NCKAP5: variants seen among roughly 807,000 people sequenced by gnomAD.
The protein encoded by NCKAP5 is nck-associated protein 5.
In NCKAP5, 92 loss-of-function variants were observed where a neutral mutation model predicts 167.0. That is an observed-to-expected ratio of 0.55 (90% CI 0.47 to 0.66). NCKAP5 has a LOEUF of 0.66. NCKAP5 is among the 30% of genes least tolerant of loss of function. NCKAP5 has a pLI of 0.00. For missense variants in NCKAP5, 2,378 were observed against 2,315.0 expected, an observed-to-expected ratio of 1.03 and a Z score of -0.56; for synonymous variants, 891 against 877.4, an observed-to-expected ratio of 1.02 and a Z score of -0.27.
At chr2:132,857,479 G>A (rs1689562622) in intron 11 of NCKAP5, among the ~76,000 whole-genome samples, 1 of 152,176 alleles carries the variant, frequency 6.6e-6, no homozygotes, top group African/African-American at 2.4e-5. Flanking sequence ...CTCTTTACTA[G>A]CTGCCAACAT....
intron 4 of NCKAP5, among the ~76,000 whole-genome samples, chr2:133,276,598 G>C (rs2089740877): frequency 6.6e-6 from 1 of 151,458 alleles, no homozygotes; most frequent in East Asian, 1.9e-4. Context: ...AACATCTCTA[G>C]GCCCAAAACA....
intron 3 of NCKAP5, among the ~76,000 whole-genome samples, chr2:133,417,427 G>A (rs1689188297): frequency 3.3e-5 from 5 of 152,192 alleles, no homozygotes; most frequent in Admixed American, 3.3e-4. Flanking sequence ...TCGACCCCAG[G>A]CCCACTTTCC....
Position 132,994,222 on chromosome 2 carries a change from C to A in NCKAP5, c.359G>T (p.Arg120Leu). Residue 120 changes from arginine to leucine, a missense_variant, in exon 7 of 20, where the codon CGA becomes CTA. Physicochemically the swap from Arg to Leu is moderately radical, Grantham distance 102 (BLOSUM62 -2). Transcript: ENST00000409261. ...QQFSRMEETV[R>L]NLLQSQGSPE... ...AGATCCTTGACTCTGCAATAGATTTCGTACTGTTTCTTCCATCCTGAGAAA... is the reference window on the plus strand; with the variant it reads ...AGATCCTTGACTCTGCAATAGATTTAGTACTGTTTCTTCCATCCTGAGAAA... 3 of 1,586,446 alleles carry A rather than the reference C, an allele frequency of 1.9e-6. No homozygotes were observed. The highest frequency in any genetic ancestry group is 2.6e-6 in the Non-Finnish European group (3 of 1,165,576).
At chr2:133,473,524 A>G (rs1017034062) in intron 3 of NCKAP5, among the ~76,000 whole-genome samples, 1 of 152,142 alleles carries the variant, frequency 6.6e-6, no homozygotes, top group Non-Finnish European at 1.5e-5. Flanking sequence ...AATTCTAATG[A>G]GTTTCCAGGG....
In NCKAP5 at chr2:132,728,950, T is replaced by C. The variant is rs766890407; in HGVS notation, c.5446A>G (p.Lys1816Glu). ...SRLPKPASSG[K>E]VSSQKQNEAE... ...TCATTCTGCTTTTGGGAACTGACTT[T>C]TCCTAAATGAGGACACGTATGTGGA... Residue 1816 changes from lysine to glutamate, a missense_variant and splice_region_variant, in exon 18 of 20, where the codon AAA becomes GAA. Physicochemically the swap from Lys to Glu is moderately conservative, Grantham distance 56 (BLOSUM62 1). This residue lies in a region of NCKAP5 where 1,325 missense variants were observed against 1,274.5 expected (regional missense o/e 1.04). Coordinates refer to ENST00000409261, the MANE Select transcript of NCKAP5 (RefSeq NM_207363.3). 4.3e-6 allele frequency: 7 copies of C among 1,613,988 alleles called. No homozygotes were observed. Among genetic ancestry groups the C allele is most frequent in the East Asian group, 2.2e-5 (1 of 44,878 alleles).
the NCKAP5 span, among the ~76,000 whole-genome samples, chr2:133,609,824 G>T: frequency 6.6e-6 from 1 of 152,128 alleles, no homozygotes; most frequent in Admixed American, 6.5e-5. Flanking sequence ...TAGAATTATA[G>T]AGCTCAAACA....
intron 6 of NCKAP5, among the ~76,000 whole-genome samples, chr2:133,107,402 A>C (rs890395003): frequency 1.3e-5 from 2 of 152,246 alleles, no homozygotes; most frequent in African/African-American, 4.8e-5. Flanking sequence ...TGGACATTTT[A>C]ATTCGAGCTC....
At chr2:133,652,736 T>C in the NCKAP5 span, among the ~76,000 whole-genome samples, 4 of 152,186 alleles carry the variant, frequency 2.6e-5, no homozygotes, top group African/African-American at 9.7e-5. Flanking sequence ...TGTCTAAATC[T>C]CTGTTGCTTC....
chr2:133,327,613 A>G (rs1033345709), intron 3 of NCKAP5, among the ~76,000 whole-genome samples: 1 of 151,636 alleles, frequency 6.6e-6, no homozygotes, highest in African/African-American at 2.4e-5. Flanking sequence ...AAAAATGATA[A>G]CCCTGTCCAT....
chr2:132,810,494 G>A (rs116737714), intron 11 of NCKAP5, among the ~76,000 whole-genome samples: 143 of 152,082 alleles, frequency 9.4e-4, no homozygotes, highest in African/African-American at 3.3e-3. Flanking sequence ...CATTGTCTTT[G>A]TTGGATTGGG....
intron 19 of NCKAP5, among the ~76,000 whole-genome samples, chr2:132,678,684 C>A (rs994282975): frequency 1.3e-5 from 2 of 152,118 alleles, no homozygotes; most frequent in Non-Finnish European, 2.9e-5. Flanking sequence ...CTATTATCAT[C>A]CCCATTATAC....
intron 7 of NCKAP5, among the ~76,000 whole-genome samples, chr2:132,965,457 G>T (rs1487666202): frequency 6.6e-6 from 1 of 152,280 alleles, no homozygotes; most frequent in South Asian, 2.1e-4. Context: ...ATGACTGTAA[G>T]TAAACACTAA....
chr2:132,680,491 A>T (rs1229093901), intron 19 of NCKAP5, among the ~76,000 whole-genome samples: 7 of 152,168 alleles, frequency 4.6e-5, no homozygotes, highest in Non-Finnish European at 1.0e-4. Flanking sequence ...GGGGGAAATA[A>T]ACTCACTTTT....
At chr2:133,539,936 T>C (rs1686083001) in intron 2 of NCKAP5, among the ~76,000 whole-genome samples, 1 of 152,168 alleles carries the variant, frequency 6.6e-6, no homozygotes, top group Non-Finnish European at 1.5e-5. Flanking sequence ...ATCCCAGCAC[T>C]TTGGAAGGCC....
intron 7 of NCKAP5, among the ~76,000 whole-genome samples, chr2:132,970,793 A>G (rs2076809626): frequency 6.6e-6 from 1 of 152,160 alleles, no homozygotes; most frequent in Admixed American, 6.5e-5. Context: ...AAGTTCTGGA[A>G]CGCATCAAGT....
At chr2:133,657,193 C>T in the NCKAP5 span, among the ~76,000 whole-genome samples, 1 of 152,190 alleles carries the variant, frequency 6.6e-6, no homozygotes, top group African/African-American at 2.4e-5. Flanking sequence ...TTTCCTTGGA[C>T]ATCAACACGA....
At chr2:133,238,359 C>T (rs922483674) in intron 4 of NCKAP5, among the ~76,000 whole-genome samples, 1 of 152,134 alleles carries the variant, frequency 6.6e-6, no homozygotes, top group African/African-American at 2.4e-5. Flanking sequence ...TCAAGCCCAG[C>T]CTTTGGTAAA....
At chr2:133,483,979 C>G (rs1317874697) in intron 3 of NCKAP5, among the ~76,000 whole-genome samples, 1 of 152,134 alleles carries the variant, frequency 6.6e-6, no homozygotes, top group Non-Finnish European at 1.5e-5. Flanking sequence ...TAATTTTATT[C>G]TATTAATTTC....
chr2:133,447,508 C>CCCCTTCCTTT (rs573957113), intron 3 of NCKAP5, among the ~76,000 whole-genome samples: 3,532 of 142,232 alleles, frequency 0.025, 94 homozygotes, highest in Non-Finnish European at 0.036. Flanking sequence ...CCCTTCCTTT[C>CCCCTTCCTTT]CCCTTCCTTT....
Sources: gnomAD v4.1 joint callset for allele counts (sites outside exome capture counted in the v4.1 genomes callset) on GRCh38, gnomAD v4.1.1 for gene constraint, gnomAD v4.1.1 regional missense constraint, MANE v1.5 for transcripts, NCBI Gene and HGNC (gene_info 2026-07-23, HGNC 2026-07-21) for gene names.